MINDY2: variants seen among roughly 807,000 people sequenced by gnomAD.
MINDY2 encodes the protein MINDY lysine 48 deubiquitinase 2.
In MINDY2, 52 loss-of-function variants were observed where a neutral mutation model predicts 68.2. That is an observed-to-expected ratio of 0.76 (90% CI 0.61 to 0.96). The LOEUF (loss-of-function observed/expected upper bound fraction) is 0.96. MINDY2 is among the 40% of genes least tolerant of loss of function. The pLI is 0.00. For synonymous variants in MINDY2, 372 were observed against 303.0 expected, an observed-to-expected ratio of 1.23 and a Z score of -2.36; for missense variants, 881 against 773.4, an observed-to-expected ratio of 1.14 and a Z score of -1.65.
intron 1 of MINDY2, among the ~76,000 whole-genome samples, chr15:58,787,164 T>TTGTG (rs1555428182): frequency 6.9e-6 from 1 of 145,422 alleles, no homozygotes; most frequent in Non-Finnish European, 1.5e-5. Flanking sequence ...TTTTTTTTTT[T>TTGTG]ACTCTGTTGC....
intron 4 of MINDY2, among the ~76,000 whole-genome samples, chr15:58,816,641 T>C (rs187639772): frequency 6.6e-6 from 1 of 151,964 alleles, no homozygotes; most frequent in East Asian, 1.9e-4. Flanking sequence ...CCTAAAAAGA[T>C]CACTATACAG....
Position 58,846,409 on chromosome 15 carries a change from C to T in MINDY2, c.1369-888C>T, listed in dbSNP as rs550393029. On this transcript the variant is annotated intron_variant, in intron 6 of 8. Transcript: ENST00000559228. Reference sequence around the variant, plus strand: ...GAGATCGAGACCATCCTGGCTAACACGGTGAAACTCTGTCTCTACTAAAAA... The same window carrying T: ...GAGATCGAGACCATCCTGGCTAACATGGTGAAACTCTGTCTCTACTAAAAA... 1.4e-4 allele frequency among the ~76,000 whole-genome samples: 21 copies of T among 151,916 alleles called. 1 individual carries two copies. The South Asian group carries it at 1.5e-3, about 11-fold the overall frequency.
chr15:58,801,269 C>T (rs1902632604), intron 2 of MINDY2, among the ~76,000 whole-genome samples: 1 of 151,268 alleles, frequency 6.6e-6, no homozygotes, highest in African/African-American at 2.4e-5. Flanking sequence ...CCATCATGCC[C>T]AGCCCAGTTT....
chr15:58,851,362 A>G (rs2032800969), intron 7 of MINDY2, among the ~76,000 whole-genome samples: 1 of 152,224 alleles, frequency 6.6e-6, no homozygotes, highest in African/African-American at 2.4e-5. Context: ...TGTCATTTTA[A>G]TGTTTAAAAT....
intron 7 of MINDY2, among the ~76,000 whole-genome samples, chr15:58,851,012 C>T (rs775975297): frequency 4.0e-5 from 6 of 151,878 alleles, no homozygotes; most frequent in African/African-American, 1.5e-4. Context: ...CTTCCTCTGT[C>T]GCCCAGGCTG....
intron 1 of MINDY2, among the ~76,000 whole-genome samples, chr15:58,787,284 G>A (rs1901569810): frequency 6.6e-6 from 1 of 150,480 alleles, no homozygotes. Flanking sequence ...AGGAGCCACT[G>A]TGCCCAGCCC....
intron 2 of MINDY2, among the ~76,000 whole-genome samples, chr15:58,788,613 T>C (rs60162496): frequency 0.033 from 4,956 of 152,324 alleles, 286 homozygotes; most frequent in African/African-American, 0.11. Flanking sequence ...CAGTTGTACA[T>C]CACATTGTGG....
chr15:58,825,126 T>C (rs1402832520), intron 5 of MINDY2, among the ~76,000 whole-genome samples: 1 of 152,214 alleles, frequency 6.6e-6, no homozygotes, highest in African/African-American at 2.4e-5. Context: ...TGGTCACAGG[T>C]GATAACTTTT....
In MINDY2 at chr15:58,846,860, C is replaced by G. The variant is rs564620531; in HGVS notation, c.1369-437C>G. On this transcript the variant is annotated intron_variant, in intron 6 of 8. Coordinates refer to ENST00000559228, the MANE Select transcript of MINDY2 (RefSeq NM_001040450.3). ...TTATTGGTGTATAAAAGAAGAGCAA[C>G]TAATGGTGTAGAGAAAGGAAAAACT... Among the ~76,000 whole-genome samples, 5 of 151,728 alleles carry G rather than the reference C, an allele frequency of 3.3e-5. No homozygotes were observed. In the East Asian group the frequency reaches 9.7e-4, roughly 29 times the overall value.
intron 4 of MINDY2, among the ~76,000 whole-genome samples, chr15:58,811,866 G>T (rs1260333846): frequency 1.3e-5 from 2 of 152,162 alleles, no homozygotes; most frequent in African/African-American, 4.8e-5. Context: ...TTTTAAATAG[G>T]TTAGAGTCTT....
chr15:58,771,592 C>T lies in MINDY2; in HGVS notation c.197C>T (p.Ser66Leu). The T allele has an allele frequency of 2.5e-6, 4 of 1,611,682 alleles. No individual in the cohort carries two copies. Among genetic ancestry groups the T allele is most frequent in the Non-Finnish European group, 3.4e-6 (4 of 1,179,678 alleles). ...GCCGCCAGGAGGAGCCTCCCGGACT[C>T]GGCTTCTCCCGCGGGCTCTCCTGAG... ...AAAARRSLPD[S>L]ASPAGSPEVP... The change falls in exon 1 of 9, where the codon TCG becomes TTG. Residue 66 changes from serine (S) to leucine (L), a missense_variant. Physicochemically the swap from Ser to Leu is moderately radical, Grantham distance 145. Transcript: ENST00000559228.
chr15:58,843,951 T>G (rs768250862), intron 6 of MINDY2, among the ~76,000 whole-genome samples: 1 of 151,968 alleles, frequency 6.6e-6, no homozygotes, highest in African/African-American at 2.4e-5. Context: ...GTGACAATAT[T>G]GACATTTATA....
intron 4 of MINDY2, among the ~76,000 whole-genome samples, chr15:58,814,784 T>G (rs1461066964): frequency 6.6e-6 from 1 of 150,514 alleles, no homozygotes; most frequent in African/African-American, 2.4e-5. Flanking sequence ...GAAATATTCT[T>G]TAATTTTAAC....
chr15:58,780,065 C>G (rs1468111328), intron 1 of MINDY2, among the ~76,000 whole-genome samples: 1 of 152,104 alleles, frequency 6.6e-6, no homozygotes, highest in African/African-American at 2.4e-5. Flanking sequence ...GTTTCTCAAC[C>G]ACATCATGAA....
Position 58,795,997 on chromosome 15 carries a change from C to A in MINDY2, c.899-6316C>A. 2 of 429,572 alleles carry A rather than the reference C, an allele frequency of 4.7e-6. 1 individual carries two copies. Among genetic ancestry groups the A allele is most frequent in the South Asian group, 3.4e-5 (2 of 59,324 alleles). 26.6% of individuals were successfully genotyped at this position (429,572 alleles called of 1,614,324 possible). On this transcript the variant is annotated intron_variant, in intron 2 of 8. Coordinates refer to ENST00000559228, the MANE Select transcript of MINDY2 (RefSeq NM_001040450.3). ...AGGGTATTGAATACTGGAGAATACT[C>A]TCTTTATGACTTGGCAGTGTGGTTA... is the stretch of plus-strand genomic sequence containing the variant.
chr15:58,785,161 A>AAAGAAAAAAG (rs1567040562), intron 1 of MINDY2, among the ~76,000 whole-genome samples: 1 of 143,954 alleles, frequency 6.9e-6, no homozygotes. Context: ...AAAAAAAAGA[A>AAAGAAAAAAG]AAGCAAGCTT....
chr15:58,794,425 A>G (rs1390649296), intron 2 of MINDY2, among the ~76,000 whole-genome samples: 1 of 150,856 alleles, frequency 6.6e-6, no homozygotes, highest in Non-Finnish European at 1.5e-5. Context: ...TTGTTGGAGA[A>G]GAGGTCAAGG....
intron 1 of MINDY2, among the ~76,000 whole-genome samples, chr15:58,782,197 G>T (rs912281775): frequency 1.3e-5 from 2 of 151,878 alleles, no homozygotes; most frequent in Non-Finnish European, 2.9e-5. Context: ...ATTTTCTAAA[G>T]AATAATTTCT....
At chr15:58,789,169 C>G (rs1028308503) in intron 2 of MINDY2, among the ~76,000 whole-genome samples, 1 of 152,080 alleles carries the variant, frequency 6.6e-6, no homozygotes, top group Non-Finnish European at 1.5e-5. Context: ...AACTCCGTCT[C>G]GACTAAAAAA....
Sources: gnomAD v4.1 joint callset for allele counts (sites outside exome capture counted in the v4.1 genomes callset) on GRCh38, gnomAD v4.1.1 for gene constraint, MANE v1.5 for transcripts, NCBI Gene and HGNC (gene_info 2026-07-23, HGNC 2026-07-21) for gene names.